Variants in B3GALT1 observed in about 807,000 individuals in gnomAD.
B3GALT1 encodes the protein beta-1,3-galactosyltransferase 1, also known as UDP-Gal:betaGlcNAc beta 1,3-galactosyltransferase, polypeptide 1.
In B3GALT1, 10 loss-of-function variants were observed where a neutral mutation model predicts 23.2. The ratio of observed to expected loss-of-function variants is 0.43; its 90% CI spans 0.27 to 0.73. The LOEUF is 0.73. B3GALT1 is among the 30% of genes least tolerant of loss of function. The pLI is 0.21. For missense variants in B3GALT1, 299 were observed against 405.4 expected, an observed-to-expected ratio of 0.74 and a Z score of 2.25; for synonymous variants, 156 against 141.5, an observed-to-expected ratio of 1.10 and a Z score of -0.73.
At chr2:167,587,565 G>A (rs1684603834) in intron 2 of B3GALT1, among the ~76,000 whole-genome samples, 1 of 152,184 alleles carries the variant, frequency 6.6e-6, no homozygotes, top group African/African-American at 2.4e-5. Context: ...GCTTAGCATA[G>A]TAGGAAAAGG....
chr2:167,395,778 ACTT>A (rs1436435975), intron 1 of B3GALT1, among the ~76,000 whole-genome samples: 1 of 151,830 alleles, frequency 6.6e-6, no homozygotes, highest in Non-Finnish European at 1.5e-5. Flanking sequence ...GATAATTCAT[ACTT>A]CTTGAAAAAA....
intron 3 of B3GALT1, among the ~76,000 whole-genome samples, chr2:167,798,477 G>T (rs949774432): frequency 6.6e-6 from 1 of 152,120 alleles, no homozygotes; most frequent in Non-Finnish European, 1.5e-5. Flanking sequence ...TATAAGGGAG[G>T]GGTCCAATTT....
chr2:167,860,709 G>A (rs956841582), intron 4 of B3GALT1, among the ~76,000 whole-genome samples: 1 of 152,142 alleles, frequency 6.6e-6, no homozygotes, highest in African/African-American at 2.4e-5. Flanking sequence ...ATCAGGAACT[G>A]CTGGTTTGGG....
At chr2:167,838,707 G>T (rs1167226392) in intron 4 of B3GALT1, among the ~76,000 whole-genome samples, 3 of 152,250 alleles carry the variant, frequency 2.0e-5, no homozygotes, top group African/African-American at 4.8e-5. Flanking sequence ...TACCAAAGCC[G>T]GCCAGAGACA....
chr2:167,316,345 T>C (rs1696718181), intron 1 of B3GALT1, among the ~76,000 whole-genome samples: 1 of 152,142 alleles, frequency 6.6e-6, no homozygotes, highest in African/African-American at 2.4e-5. Flanking sequence ...GCTTGGCCTG[T>C]AGTAGGCAAT....
At chr2:167,487,848 C>T (rs769132925) in intron 1 of B3GALT1, among the ~76,000 whole-genome samples, 1 of 152,044 alleles carries the variant, frequency 6.6e-6, no homozygotes, top group Non-Finnish European at 1.5e-5. Context: ...TTGGATTTAT[C>T]GTGAGTATGC....
At chr2:167,420,758 C>G (rs541742492) in intron 1 of B3GALT1, among the ~76,000 whole-genome samples, 2 of 152,192 alleles carry the variant, frequency 1.3e-5, no homozygotes, top group African/African-American at 4.8e-5. Flanking sequence ...TCAGAACATA[C>G]ATAGTCATTG....
chr2:167,347,704 A>G (rs768386210), intron 1 of B3GALT1, among the ~76,000 whole-genome samples: 4 of 117,162 alleles, frequency 3.4e-5, no homozygotes, highest in African/African-American at 6.5e-5. Context: ...ATGGAATCCA[A>G]CAGAATCTGC....
At chr2:167,618,361 A>G (rs1685196828) in intron 2 of B3GALT1, among the ~76,000 whole-genome samples, 1 of 152,052 alleles carries the variant, frequency 6.6e-6, no homozygotes, top group South Asian at 2.1e-4. Flanking sequence ...ATAGTACTCA[A>G]CTATTGACAT....
intron 1 of B3GALT1, among the ~76,000 whole-genome samples, chr2:167,380,708 T>A (rs989663250): frequency 6.6e-6 from 1 of 152,144 alleles, no homozygotes; most frequent in Non-Finnish European, 1.5e-5. Context: ...CCCAAGTTTG[T>A]TCCAGGGCGT....
chr2:167,566,345 C>G (rs1199386403), intron 2 of B3GALT1, among the ~76,000 whole-genome samples: 3 of 148,406 alleles, frequency 2.0e-5, no homozygotes, highest in South Asian at 4.3e-4. Context: ...ACTCTGGGGA[C>G]TGTTTTGGGG....
At position 167,332,322 on chromosome 2, in the gene B3GALT1, A is replaced by T. The variant is rs1025607992; in HGVS notation, c.-511+38988A>T. ...AAACCAACAAGAACGATTTTTACCT[A>T]ATAAATGTAACACACTTATTTGTTA... On this transcript the variant is annotated intron_variant, in intron 1 of 4. Transcript: ENST00000392690. Among the ~76,000 whole-genome samples, 3 of 152,298 alleles carry T rather than the reference A, an allele frequency of 2.0e-5. No homozygotes were observed. The East Asian group carries it at 5.8e-4, about 29-fold the overall frequency.
At chr2:167,397,548 C>T (rs919927805) in intron 1 of B3GALT1, among the ~76,000 whole-genome samples, 1 of 152,082 alleles carries the variant, frequency 6.6e-6, no homozygotes, top group African/African-American at 2.4e-5. Flanking sequence ...TGAATGTAAA[C>T]AGATTCTTGG....
At chr2:167,859,508 C>T (rs994803160) in intron 4 of B3GALT1, among the ~76,000 whole-genome samples, 7 of 152,166 alleles carry the variant, frequency 4.6e-5, no homozygotes, top group African/African-American at 1.7e-4. Flanking sequence ...ACAAAGACAT[C>T]CTCATCCCAA....
intron 3 of B3GALT1, among the ~76,000 whole-genome samples, chr2:167,678,289 C>T (rs1022263792): frequency 2.6e-5 from 4 of 152,122 alleles, no homozygotes; most frequent in Non-Finnish European, 4.4e-5. Flanking sequence ...ATCCACTTTC[C>T]GTTTTAACAA....
At chr2:167,444,128 T>C (rs1698942902) in intron 1 of B3GALT1, among the ~76,000 whole-genome samples, 1 of 152,254 alleles carries the variant, frequency 6.6e-6, no homozygotes, top group Non-Finnish European at 1.5e-5. Flanking sequence ...GAGATAATCA[T>C]GTGGTTTTGT....
At chr2:167,313,546 T>C (rs976866717) in intron 1 of B3GALT1, among the ~76,000 whole-genome samples, 19 of 152,158 alleles carry the variant, frequency 1.2e-4, no homozygotes, top group African/African-American at 3.6e-4. Flanking sequence ...TTGAAGACCC[T>C]AGTCTAAGAG....
chr2:167,572,643 G>A (rs1290463676), intron 2 of B3GALT1, among the ~76,000 whole-genome samples: 1 of 151,772 alleles, frequency 6.6e-6, no homozygotes, highest in African/African-American at 2.4e-5. Flanking sequence ...GCCGATTGAG[G>A]TCACTACCTC....
intron 3 of B3GALT1, among the ~76,000 whole-genome samples, chr2:167,746,910 A>C (rs1687661600): frequency 6.6e-6 from 1 of 152,190 alleles, no homozygotes; most frequent in Admixed American, 6.5e-5. Context: ...AAGTGCATGC[A>C]TTCTATGTAT....
Sources: allele counts gnomAD v4.1 joint callset (sites outside exome capture counted in the v4.1 genomes callset), GRCh38; gene constraint gnomAD v4.1.1; transcripts MANE v1.5; gene names NCBI Gene and HGNC (gene_info 2026-07-23, HGNC 2026-07-21).